GPT2: variants seen among roughly 807,000 people sequenced by gnomAD.
GPT2 encodes the protein alanine aminotransferase 2.
GPT2 carries 30 observed loss-of-function variants against 56.9 expected under a neutral mutation model. That is an observed-to-expected ratio of 0.53 (90% confidence interval 0.39 to 0.72). The LOEUF (loss-of-function observed/expected upper bound fraction) is 0.72. Among genes scored for constraint, GPT2 ranks in the 30% least tolerant of loss-of-function variants. The probability of loss-of-function intolerance (pLI) is 0.00; values close to 1 mark genes in which losing one functional copy is unlikely to be tolerated. For synonymous variants in GPT2, 271 were observed against 283.1 expected (o/e 0.96, Z 0.43); for missense variants, 542 against 703.4 (o/e 0.77, Z 2.60).
chr16:46,903,949 G>A (rs138253210), intron 4 of GPT2, among the ~76,000 whole-genome samples: 1 of 152,206 alleles, frequency 6.6e-6, no homozygotes, highest in Non-Finnish European at 1.5e-5. Flanking sequence ...AAGGGGAAAC[G>A]TGGCATTCAC....
chr16:46,930,315 T>G lies in GPT2; in HGVS notation c.*1318T>G, dbSNP rs542590027. Reference sequence around the variant, plus strand: ...GCCTCCCTCACTGGGAGCTTCCCCATCCTCCCTGCCTTCCCCAGTGGGAAG... The same window carrying G: ...GCCTCCCTCACTGGGAGCTTCCCCAGCCTCCCTGCCTTCCCCAGTGGGAAG... On this transcript the variant is annotated 3_prime_UTR_variant, in exon 12 of 12. Transcript: ENST00000340124. The G allele has an allele frequency of 6.6e-6, 1 of 152,230 alleles. No individual in the cohort carries two copies. The highest frequency in any genetic ancestry group is 2.1e-4 in the South Asian group (1 of 4,816). 9.4% of individuals were successfully genotyped at this position (152,230 alleles called of 1,614,324 possible). A position where few individuals can be genotyped will look rare whatever the true frequency, so the allele number is the denominator to read the frequency against.
Position 46,929,104 on chromosome 16 carries a change from C to A in GPT2, c.*107C>A. 1 of 795,734 alleles carries A rather than the reference C, an allele frequency of 1.3e-6. No homozygotes were observed. Among genetic ancestry groups the A allele is most frequent in the Non-Finnish European group, 2.2e-6 (1 of 463,288 alleles). The allele number at this position is 795,734 out of a possible 1,614,324, so 49.3% of individuals were successfully genotyped here. A position where few individuals can be genotyped will look rare whatever the true frequency, so the allele number is the denominator to read the frequency against. On this transcript the variant is annotated 3_prime_UTR_variant, in exon 12 of 12. Coordinates refer to ENST00000340124, the MANE Select transcript of GPT2 (RefSeq NM_133443.4). ...TCTGCCTCGGGCCTCGCAGAGGCCG[C>A]TGGTCACTTCGTCATCATTTTGCCC... is the stretch of plus-strand genomic sequence containing the variant.
chr16:46,899,018 T>TAACACAC (rs376636498), intron 3 of GPT2, among the ~76,000 whole-genome samples: 1 of 6,364 alleles, frequency 1.6e-4, no homozygotes, highest in Non-Finnish European at 3.3e-4. Context: ...TATATATATA[T>TAACACAC]ATATATATAT....
intron 5 of GPT2, among the ~76,000 whole-genome samples, chr16:46,907,385 A>G (rs1308278099): frequency 2.6e-5 from 4 of 152,206 alleles, no homozygotes; most frequent in Non-Finnish European, 5.9e-5. Flanking sequence ...GCACATCACA[A>G]GCTTTTAGTT....
chr16:46,919,190 T>C (rs1361962702), intron 8 of GPT2, among the ~76,000 whole-genome samples: 1 of 152,248 alleles, frequency 6.6e-6, no homozygotes, highest in Non-Finnish European at 1.5e-5. Context: ...ATCCTGTGTC[T>C]GTTCATTCAG....
rs368711025 is a variant in GPT2, at chr16:46,909,882, T to C, written c.775T>C (p.Cys259Arg). Residue 259 changes from cysteine to arginine, a missense_variant, in exon 6 of 12, where the codon TGT becomes CGT. Transcript: ENST00000340124. The part of the protein sequence containing the change: ...RRAVQEAKDH[C>R]DPKVLCIINP... ...GGCGGTGCAGGAGGCCAAAGACCAC[T>C]GTGATCCTAAGGTGCTCTGCATAAT... is the stretch of plus-strand genomic sequence containing the variant. The C allele has an allele frequency of 6.2e-6, 10 of 1,613,958 alleles. No homozygotes were observed. The African/African-American group carries it at 1.2e-4, about 19-fold the overall frequency.
intron 11 of GPT2, among the ~76,000 whole-genome samples, 197 bp from the exon 12 acceptor site, chr16:46,928,710 T>A (rs1961467136): frequency 6.6e-6 from 1 of 151,962 alleles, no homozygotes; most frequent in Non-Finnish European, 1.5e-5. Flanking sequence ...TTTGTTCACG[T>A]GTATTACTTG....
intron 8 of GPT2, 77 bp from the exon 9 acceptor site, chr16:46,922,165 G>T: frequency 6.9e-7 from 1 of 1,443,784 alleles, no homozygotes; most frequent in South Asian, 1.2e-5. Flanking sequence ...GAATGCTTTC[G>T]ATTCTGGCTG....
chr16:46,920,057 A>G (rs535963684), intron 8 of GPT2, among the ~76,000 whole-genome samples: 1 of 152,210 alleles, frequency 6.6e-6, no homozygotes, highest in African/African-American at 2.4e-5. Flanking sequence ...AAAATGTTTT[A>G]AAACTCAGCC....
rs1961512378 is a variant in GPT2 at position 46,930,196 on chromosome 16, AG to A, written c.*1202del. On this transcript the variant is annotated 3_prime_UTR_variant, in exon 12 of 12. Transcript: ENST00000340124. ...GGCATCAGGCTTCTCCCAGTACAGG[AG>A]GGTGCCATCCCCCAGCATGCGGCTT... 6.6e-6 allele frequency: 1 copy of A among 152,650 alleles called. No homozygotes were observed. Among genetic ancestry groups the A allele is most frequent in the Non-Finnish European group, 1.5e-5 (1 of 68,236 alleles). The allele number at this position is 152,650 out of a possible 1,614,324, so 9.5% of individuals were successfully genotyped here.
At chr16:46,924,911 G>A (rs1470262928) in intron 10 of GPT2, among the ~76,000 whole-genome samples, 2 of 151,864 alleles carry the variant, frequency 1.3e-5, no homozygotes, top group African/African-American at 4.8e-5. Flanking sequence ...TGTGTGCACC[G>A]ATCACCTAGG....
chr16:46,893,179 G>A (rs1960616633), intron 2 of GPT2, among the ~76,000 whole-genome samples: 1 of 152,178 alleles, frequency 6.6e-6, no homozygotes, highest in African/African-American at 2.4e-5. Flanking sequence ...CACCCAGGCT[G>A]GAGTGCAGTG....
chr16:46,910,068 A>C (rs1166076793), intron 6 of GPT2, 141 bp downstream of exon 6: 6 of 1,184,858 alleles, frequency 5.1e-6, no homozygotes, highest in Non-Finnish European at 6.9e-6. Context: ...AAGCCATGAA[A>C]TTTGCCACAG....
At chr16:46,902,714 C>T (rs1960842379) in intron 4 of GPT2, among the ~76,000 whole-genome samples, 1 of 152,118 alleles carries the variant, frequency 6.6e-6, no homozygotes, top group African/African-American at 2.4e-5. Context: ...CAACCTCTGC[C>T]TCCCGGGTTC....
intron 2 of GPT2, 92 bp downstream of exon 2, chr16:46,885,050 C>T (rs1960457753): frequency 1.2e-5 from 17 of 1,363,702 alleles, no homozygotes; most frequent in Admixed American, 3.4e-5. Context: ...ACGACGTCCA[C>T]CCCCATGGCC....
chr16:46,889,486 C>T (rs1960547412), intron 2 of GPT2, among the ~76,000 whole-genome samples: 3 of 151,868 alleles, frequency 2.0e-5, no homozygotes, highest in South Asian at 4.2e-4. Context: ...GACTGCTAGC[C>T]TTGGGTGATC....
intron 2 of GPT2, chr16:46,885,649 C>A: frequency 1.8e-6 from 1 of 553,444 alleles, no homozygotes; most frequent in Non-Finnish European, 2.3e-6. Flanking sequence ...TCTTGGTGGT[C>A]GGCCGGCTGG....
Position 46,926,940 on chromosome 16 carries a change from C to A in GPT2, c.1384C>A (p.Pro462Thr). The change falls in exon 11 of 12, where the codon CCA becomes ACA. Residue 462 changes from proline to threonine, a missense_variant. Pro to Thr is a conservative substitution (Grantham distance 38). Coordinates refer to ENST00000340124, the MANE Select transcript of GPT2 (RefSeq NM_133443.4). ...VEAAQAHQMAPDMFYCMKLLE... is the reference protein window; with the variant it reads ...VEAAQAHQMATDMFYCMKLLE... ...GCTCCCATAGGCCCATCAAATGGCT[C>A]CAGACATGTTCTACTGCATGAAGCT... 1 of 1,592,744 alleles carries A rather than the reference C, an allele frequency of 6.3e-7. No homozygotes were observed. Among genetic ancestry groups the A allele is most frequent in the South Asian group, 1.1e-5 (1 of 87,692 alleles).
chr16:46,910,446 T>TAGGGAAGCTGAGGTGGAAGGA (rs1208593601), intron 6 of GPT2, among the ~76,000 whole-genome samples: 1 of 140,348 alleles, frequency 7.1e-6, no homozygotes, highest in Admixed American at 7.2e-5. Context: ...TCCCAGCTAC[T>TAGGGAAGCTGAGGTGGAAGGA]AGGGAAGCTG....
Sources: allele counts gnomAD v4.1 joint callset (sites outside exome capture counted in the v4.1 genomes callset), GRCh38; gene constraint gnomAD v4.1.1; transcripts MANE v1.5; gene names NCBI Gene and HGNC (gene_info 2026-07-23, HGNC 2026-07-21).